The following ESYT2 variants were observed in gnomAD, a reference collection of about 807,000 sequenced individuals.
The protein encoded by ESYT2 is extended synaptotagmin-2.
In ESYT2, 54 loss-of-function variants were observed where a neutral mutation model predicts 107.2. The ratio of observed to expected loss-of-function variants is 0.50; its 90% CI spans 0.40 to 0.63. The LOEUF is 0.63. ESYT2 is among the 30% of genes least tolerant of loss of function. ESYT2 has a pLI of 0.00. For synonymous variants in ESYT2, 491 were observed against 434.1 expected, an observed-to-expected ratio of 1.13 and a Z score of -1.63; for missense variants, 1,020 against 1,094.5, an observed-to-expected ratio of 0.93 and a Z score of 0.96.
At chr7:158,754,638 A>T (rs1306949548) in intron 13 of ESYT2, among the ~76,000 whole-genome samples, 2 of 151,998 alleles carry the variant, frequency 1.3e-5, no homozygotes, top group Non-Finnish European at 2.9e-5. Context: ...TGCAAATACC[A>T]CTCATCTCAG....
At chr7:158,821,089 A>C (rs1189218) in intron 1 of ESYT2, among the ~76,000 whole-genome samples, 102,534 of 152,160 alleles carry the variant, frequency 0.67, 36,209 homozygotes, top group Non-Finnish European at 0.78. Context: ...AACAAACATT[A>C]TAGAACTTTA....
chr7:158,822,219 A>G (rs550741997), intron 1 of ESYT2, among the ~76,000 whole-genome samples: 20 of 152,370 alleles, frequency 1.3e-4, no homozygotes, highest in African/African-American at 4.8e-4. Flanking sequence ...ACCACAATGT[A>G]TTCTATAATA....
chr7:158,744,553 T>C (rs9638138), intron 16 of ESYT2, among the ~76,000 whole-genome samples: 36,056 of 152,128 alleles, frequency 0.24, 5,156 homozygotes, highest in East Asian at 0.59. Flanking sequence ...AAAACAGAGG[T>C]GGATCTCACT....
intron 1 of ESYT2, among the ~76,000 whole-genome samples, chr7:158,807,674 G>A (rs1839871367): frequency 6.6e-6 from 1 of 152,170 alleles, no homozygotes; most frequent in Admixed American, 6.5e-5. Context: ...TAAAGGGTCA[G>A]ACAGGAAATA....
chr7:158,817,119 C>A (rs1173992312), intron 1 of ESYT2, among the ~76,000 whole-genome samples: 1 of 152,190 alleles, frequency 6.6e-6, no homozygotes, highest in African/African-American at 2.4e-5. Context: ...CTGAACAGCT[C>A]CTCCTCTCTG....
chr7:158,792,389 G>A (rs1196652496), intron 4 of ESYT2, among the ~76,000 whole-genome samples: 1 of 151,214 alleles, frequency 6.6e-6, no homozygotes, highest in African/African-American at 2.4e-5. Flanking sequence ...TTAGCCACAC[G>A]TGGTGGCATG....
rs113646474 is a variant in ESYT2, at chr7:158,819,647, T to G, written c.330+9442A>C. Among the ~76,000 whole-genome samples, 442 of 152,374 alleles carry G rather than the reference T, an allele frequency of 2.9e-3. 5 individuals are homozygous for G. The highest frequency in any genetic ancestry group is 0.01 in the African/African-American group (421 of 41,598). ...GTAATGTTATCACTAGTTAGTAGAA[T>G]TGCAGGTAACGTTTTTCTTCTTTAT... On this transcript the variant is annotated intron_variant, in intron 1 of 22. Transcript: ENST00000275418.
chr7:158,782,642 GAAC>G (rs1838948166), intron 6 of ESYT2, among the ~76,000 whole-genome samples: 2 of 49,812 alleles, frequency 4.0e-5, no homozygotes, highest in Non-Finnish European at 1.4e-4. Context: ...GGGTATGTGA[GAAC>G]AAAGAAGTAT....
chr7:158,798,044 T>C lies in ESYT2; in HGVS notation c.405A>G (p.Gln135=), dbSNP rs771256439. 1.9e-6 allele frequency: 3 copies of C among 1,614,050 alleles called. No individual in the cohort carries two copies. Among genetic ancestry groups the C allele is most frequent in the Non-Finnish European group, 2.5e-6 (3 of 1,180,008 alleles). The part of the protein sequence containing the change: ...TVKHMWPFIC[Q]FIEKLFRETI... ...TTTCTCGAAACAACTTCTCTATAAA[T>C]TGGCAAATGAAAGGCCACATGTGTT... Residue 135 remains glutamine, a synonymous_variant, in exon 3 of 23, where the codon CAA becomes CAG. Transcript: ENST00000275418.
chr7:158,757,016 A>T (rs756140342), intron 13 of ESYT2, among the ~76,000 whole-genome samples: 15 of 152,280 alleles, frequency 9.9e-5, no homozygotes, highest in Middle Eastern at 3.4e-3. Flanking sequence ...GAACCACAAG[A>T]AAATGAATTT....
chr7:158,829,462 G>A lies in ESYT2; in HGVS notation c.-44C>T, dbSNP rs1840568242. The A allele has an allele frequency of 8.3e-7, 1 of 1,205,906 alleles. No individual in the cohort carries two copies. The highest frequency in any genetic ancestry group is 1.0e-6 in the Non-Finnish European group (1 of 972,624). The allele number at this position is 1,205,906 out of a possible 1,614,324, so 74.7% of individuals were successfully genotyped here. ...TGCCCTCCCGGCCGAGGCGGGCTGG[G>A]TGCTCGCGCTGATCCCGGGCGGCTC... On this transcript the variant is annotated 5_prime_UTR_variant, in exon 1 of 23. Coordinates refer to ENST00000275418, the MANE Select transcript of ESYT2 (RefSeq NM_001367773.1).
At position 158,759,593 on chromosome 7, in the gene ESYT2, G is replaced by A. The variant is rs1471938776; in HGVS notation, c.1324-12C>T. 1.9e-6 allele frequency: 3 copies of A among 1,598,984 alleles called. No homozygotes were observed. The highest frequency in any genetic ancestry group is 1.7e-5 in the Admixed American group (1 of 58,928). ...ATGTCTGTTAGCACCTAAAAGGAAAGGAAAAAGCCCTTAGCAGCCATGTTT... is the reference window on the plus strand; with the variant it reads ...ATGTCTGTTAGCACCTAAAAGGAAAAGAAAAAGCCCTTAGCAGCCATGTTT... On this transcript the variant is annotated splice_polypyrimidine_tract_variant and intron_variant, in intron 12 of 22. Transcript: ENST00000275418.
intron 1 of ESYT2, among the ~76,000 whole-genome samples, chr7:158,825,237 G>A (rs1237080441): frequency 6.6e-6 from 1 of 152,246 alleles, no homozygotes; most frequent in African/African-American, 2.4e-5. Context: ...AGGTTGCGGT[G>A]AGCCGAGACC....
intron 12 of ESYT2, 103 bp from the exon 13 acceptor site, chr7:158,759,684 G>A: frequency 8.6e-6 from 8 of 934,638 alleles, no homozygotes; most frequent in Non-Finnish European, 1.3e-5. Flanking sequence ...TAAGAAAGGT[G>A]AGAAACCATC....
intron 10 of ESYT2, among the ~76,000 whole-genome samples, chr7:158,762,063 C>A (rs1034400316): frequency 1.3e-5 from 2 of 152,066 alleles, no homozygotes; most frequent in Admixed American, 6.6e-5. Flanking sequence ...TGCATTGAGC[C>A]CGATGGACGC....
chr7:158,784,081 G>A (rs993638587), intron 6 of ESYT2, among the ~76,000 whole-genome samples: 1 of 152,178 alleles, frequency 6.6e-6, no homozygotes, highest in South Asian at 2.1e-4. Context: ...GGGTCTCTGG[G>A]AGAGCTCTGG....
intron 1 of ESYT2, among the ~76,000 whole-genome samples, chr7:158,826,734 T>C (rs924247930): frequency 6.8e-6 from 1 of 146,012 alleles, no homozygotes; most frequent in Non-Finnish European, 1.5e-5. Flanking sequence ...GGCAGGAGAA[T>C]GGCTTGAACC....
At position 158,829,393 on chromosome 7, in the gene ESYT2, G is replaced by A; in HGVS notation, c.26C>T (p.Pro9Leu). The change falls in exon 1 of 23, where the codon CCG becomes CTG. Residue 9 changes from proline to leucine, a missense_variant. Transcript: ENST00000275418. MSGARGEG[P>L]EAGAGGAGGR... ...CCCAGCCCCGCCGGCGCCCGCCTCC[G>A]GGCCCTCGCCCCGGGCGCCGCTCAT... is the stretch of plus-strand genomic sequence containing the variant. 2 of 1,226,108 alleles carry A rather than the reference G, an allele frequency of 1.6e-6. No individual in the cohort carries two copies. Among genetic ancestry groups the A allele is most frequent in the Non-Finnish European group, 2.0e-6 (2 of 989,502 alleles). 76.0% of individuals were successfully genotyped at this position (1,226,108 alleles called of 1,614,324 possible).
intron 1 of ESYT2, among the ~76,000 whole-genome samples, chr7:158,824,094 T>C (rs1840368529): frequency 6.6e-6 from 1 of 152,202 alleles, no homozygotes; most frequent in Non-Finnish European, 1.5e-5. Flanking sequence ...CTGCTTTATT[T>C]TTAGCCATCT....
Sources: gnomAD v4.1 joint callset for allele counts (sites outside exome capture counted in the v4.1 genomes callset) on GRCh38, gnomAD v4.1.1 for gene constraint, MANE v1.5 for transcripts, NCBI Gene and HGNC (gene_info 2026-07-23, HGNC 2026-07-21) for gene names.